Variants in PTPRD observed in about 807,000 individuals in gnomAD.
PTPRD encodes the protein protein tyrosine phosphatase receptor type D.
In PTPRD, 34 loss-of-function variants were observed where a neutral mutation model predicts 214.5. That is an observed-to-expected ratio of 0.16 (90% CI 0.12 to 0.21). The LOEUF is 0.21. PTPRD is among the 10% of genes least tolerant of loss of function. The probability of loss-of-function intolerance (pLI) is 1.00; values close to 1 mark genes in which losing one functional copy is unlikely to be tolerated. For missense variants in PTPRD, 2,545 were observed against 2,398.7 expected (o/e 1.06, Z -1.27); for synonymous variants, 1,128 against 845.7 (o/e 1.33, Z -5.79).
intron 3 of PTPRD, among the ~76,000 whole-genome samples, chr9:10,227,202 T>C (rs16925554): frequency 0.15 from 22,950 of 152,014 alleles, 1,856 homozygotes; most frequent in African/African-American, 0.21. Flanking sequence ...TTACTATTAC[T>C]GTCATCTCCG....
chr9:9,085,821 C>A (rs2099766285), intron 10 of PTPRD, among the ~76,000 whole-genome samples: 1 of 152,094 alleles, frequency 6.6e-6, no homozygotes, highest in African/African-American at 2.4e-5. Flanking sequence ...CCTTTCCAAG[C>A]TCTATATTAA....
At chr9:9,419,460 T>A (rs957001593) in intron 8 of PTPRD, among the ~76,000 whole-genome samples, 10 of 151,788 alleles carry the variant, frequency 6.6e-5, no homozygotes, top group Admixed American at 5.3e-4. Flanking sequence ...AGTAATATTA[T>A]CTCTTTCAGA....
At chr9:10,062,265 T>C (rs1372969294) in intron 3 of PTPRD, among the ~76,000 whole-genome samples, 1 of 152,056 alleles carries the variant, frequency 6.6e-6, no homozygotes, top group Non-Finnish European at 1.5e-5. Context: ...GTAATTGTAT[T>C]CCACCAAGCA....
chr9:8,940,300 TGAGATGGAGTC>T (rs2099024774), intron 11 of PTPRD, among the ~76,000 whole-genome samples: 5 of 140,334 alleles, frequency 3.6e-5, no homozygotes, highest in Non-Finnish European at 7.6e-5. Flanking sequence ...TTTTTTTTTT[TGAGATGGAGTC>T]TTCCTCTGTC....
intron 11 of PTPRD, among the ~76,000 whole-genome samples, chr9:8,776,231 T>C (rs1293863312): frequency 6.6e-6 from 1 of 152,184 alleles, no homozygotes; most frequent in Non-Finnish European, 1.5e-5. Context: ...CATACAACTA[T>C]ACTAAGGCTC....
At chr9:10,360,308 G>A (rs942799185) in intron 2 of PTPRD, among the ~76,000 whole-genome samples, 6 of 152,208 alleles carry the variant, frequency 3.9e-5, no homozygotes, top group African/African-American at 7.2e-5. Flanking sequence ...AATTTAGAAA[G>A]GGTATTTTAA....
chr9:10,327,062 CAATT>C (rs1424387814), intron 3 of PTPRD, among the ~76,000 whole-genome samples: 1 of 150,774 alleles, frequency 6.6e-6, no homozygotes, highest in Non-Finnish European at 1.5e-5. Context: ...CTCTACTAGA[CAATT>C]AAGAGGCACT....
chr9:10,403,722 T>A (rs1022658671), intron 2 of PTPRD, among the ~76,000 whole-genome samples: 2 of 151,606 alleles, frequency 1.3e-5, no homozygotes, highest in Non-Finnish European at 2.9e-5. Flanking sequence ...ATTAAATGCA[T>A]AATACTAAGT....
chr9:10,172,907 T>C (rs577342266), intron 3 of PTPRD, among the ~76,000 whole-genome samples: 1 of 152,160 alleles, frequency 6.6e-6, no homozygotes, highest in African/African-American at 2.4e-5. Flanking sequence ...GAGATACCCA[T>C]GCATACTTAT....
chr9:10,122,968 C>T (rs1046360923), intron 3 of PTPRD, among the ~76,000 whole-genome samples: 5 of 152,170 alleles, frequency 3.3e-5, no homozygotes, highest in African/African-American at 9.7e-5. Flanking sequence ...TTAAGCGGCC[C>T]GCTTGTTAAC....
chr9:9,225,217 T>C (rs1425399991), intron 9 of PTPRD, among the ~76,000 whole-genome samples: 2 of 152,018 alleles, frequency 1.3e-5, no homozygotes, highest in Non-Finnish European at 2.9e-5. Flanking sequence ...AAATGGTTTC[T>C]AGAGAAAAAA....
intron 8 of PTPRD, among the ~76,000 whole-genome samples, chr9:9,455,448 G>A (rs1048205981): frequency 3.3e-5 from 5 of 151,378 alleles, no homozygotes; most frequent in Non-Finnish European, 5.9e-5. Context: ...TACCAACAGT[G>A]CAGAACATTA....
intron 6 of PTPRD, among the ~76,000 whole-genome samples, chr9:9,742,683 T>C (rs1229831099): frequency 1.3e-5 from 2 of 152,046 alleles, no homozygotes; most frequent in Non-Finnish European, 2.9e-5. Flanking sequence ...GTATGTTCCT[T>C]CCTTCATCTC....
chr9:8,551,227 T>C (rs572080025), intron 14 of PTPRD, among the ~76,000 whole-genome samples: 141 of 152,324 alleles, frequency 9.3e-4, no homozygotes, highest in African/African-American at 3.1e-3. Context: ...CCATGACCCA[T>C]AGCACAAACA....
intron 10 of PTPRD, among the ~76,000 whole-genome samples, chr9:9,179,367 C>G (rs1017592385): frequency 2.0e-5 from 3 of 152,036 alleles, no homozygotes; most frequent in Non-Finnish European, 4.4e-5. Context: ...CAAATGCAGA[C>G]ATTTTAACAG....
chr9:9,953,961 C>T (rs2093674666), intron 4 of PTPRD, among the ~76,000 whole-genome samples: 1 of 151,908 alleles, frequency 6.6e-6, no homozygotes, highest in African/African-American at 2.4e-5. Flanking sequence ...ATTTTTCCAT[C>T]CATTTGCTAC....
At chr9:8,719,675 G>A (rs1230126672) in intron 12 of PTPRD, among the ~76,000 whole-genome samples, 1 of 151,368 alleles carries the variant, frequency 6.6e-6, no homozygotes. Context: ...TACAGTGGCA[G>A]AGTTGAATAG....
chr9:9,269,065 G>T (rs182405111), intron 9 of PTPRD, among the ~76,000 whole-genome samples: 1 of 150,628 alleles, frequency 6.6e-6, no homozygotes, highest in Admixed American at 6.6e-5. Flanking sequence ...TCAACAACAT[G>T]AAAAGGAAAT....
intron 7 of PTPRD, among the ~76,000 whole-genome samples, chr9:9,635,452 A>T (rs2095733446): frequency 6.6e-6 from 1 of 152,148 alleles, no homozygotes. Context: ...CTGGCTGGAC[A>T]CTCAATGATT....
Sources: allele counts gnomAD v4.1 joint callset (sites outside exome capture counted in the v4.1 genomes callset), GRCh38; gene constraint gnomAD v4.1.1; transcripts MANE v1.5; gene names NCBI Gene and HGNC (gene_info 2026-07-23, HGNC 2026-07-21).